Variants in PRORP observed in about 807,000 individuals in gnomAD.
PRORP encodes protein only RNase P catalytic subunit.
A neutral mutation model predicts 59.4 loss-of-function variants in PRORP; 51 were observed. The ratio of observed to expected loss-of-function variants is 0.86; its 90% CI spans 0.69 to 1.08. The LOEUF is 1.08. PRORP is among the 50% of genes least tolerant of loss of function. The pLI is 0.00. For missense variants in PRORP, 646 were observed against 690.3 expected, an observed-to-expected ratio of 0.94 and a Z score of 0.72; for synonymous variants, 231 against 245.6, an observed-to-expected ratio of 0.94 and a Z score of 0.55.
rs551095008 is a variant in PRORP, at chr14:35,137,427, A to G, written c.1167+9816A>G. On this transcript the variant is annotated intron_variant, in intron 4 of 7. Coordinates refer to ENST00000534898, the MANE Select transcript of PRORP (RefSeq NM_014672.4). Reference sequence around the variant, plus strand: ...GAAAAGAAAGTGAAGATGGGTGTGGATGATAAATTGGTAGAAAGAGGGAAC... The same window carrying G: ...GAAAAGAAAGTGAAGATGGGTGTGGGTGATAAATTGGTAGAAAGAGGGAAC... Among the ~76,000 whole-genome samples, 8 of 145,254 alleles carry G rather than the reference A, an allele frequency of 5.5e-5. 1 individual carries two copies. Among genetic ancestry groups the G allele is most frequent in the African/African-American group, 1.9e-4 (8 of 41,136 alleles).
chr14:35,138,670 C>G (rs1595173729), intron 4 of PRORP, among the ~76,000 whole-genome samples: 1 of 145,704 alleles, frequency 6.9e-6, no homozygotes, highest in East Asian at 2.3e-4. Flanking sequence ...CCAAATAGTA[C>G]TGTTGTTCAA....
intron 4 of PRORP, among the ~76,000 whole-genome samples, chr14:35,161,514 T>A (rs59622401): frequency 0.061 from 9,188 of 151,076 alleles, 458 homozygotes; most frequent in African/African-American, 0.14. Context: ...AAAGCAGAAT[T>A]TTTTCTTTTT....
At chr14:35,206,557 G>C (rs753254806) in intron 5 of PRORP, among the ~76,000 whole-genome samples, 1 of 152,118 alleles carries the variant, frequency 6.6e-6, no homozygotes, top group Non-Finnish European at 1.5e-5. Context: ...TTTAAACTTT[G>C]TAATTCGAGA....
At chr14:35,157,394 C>T (rs1440870622) in intron 4 of PRORP, among the ~76,000 whole-genome samples, 1 of 152,154 alleles carries the variant, frequency 6.6e-6, no homozygotes, top group Admixed American at 6.5e-5. Flanking sequence ...ATCAGAGAAA[C>T]GTCAGATGAC....
chr14:35,233,147 A>AT (rs2050124636), intron 5 of PRORP, among the ~76,000 whole-genome samples: 1 of 150,944 alleles, frequency 6.6e-6, no homozygotes, highest in African/African-American at 2.4e-5. Context: ...ATTGATCATC[A>AT]TAAGCATCAG....
chr14:35,268,356 A>AAC (rs1352939398), intron 6 of PRORP, among the ~76,000 whole-genome samples: 2 of 151,440 alleles, frequency 1.3e-5, no homozygotes. Context: ...AAAAAAAAAA[A>AAC]AAAAAAACAA....
intron 4 of PRORP, among the ~76,000 whole-genome samples, chr14:35,168,469 T>C (rs1165048846): frequency 1.3e-5 from 2 of 152,238 alleles, no homozygotes; most frequent in Non-Finnish European, 2.9e-5. Flanking sequence ...TTTTGTCACT[T>C]GTCCCAATAA....
At chr14:35,122,250 C>G (rs146900545), upstream of PRORP, 2 of 425,976 alleles carry the variant, frequency 4.7e-6, no homozygotes, top group East Asian at 8.2e-5. Context: ...CCACGATAAG[C>G]CCGCGTTTTC....
chr14:35,195,591 T>C (rs561071547), intron 5 of PRORP, among the ~76,000 whole-genome samples: 1 of 152,240 alleles, frequency 6.6e-6, no homozygotes, highest in South Asian at 2.1e-4. Flanking sequence ...ACACATATTT[T>C]AAAGATAAGA....
At chr14:35,151,579 A>G (rs1338730777) in intron 4 of PRORP, among the ~76,000 whole-genome samples, 1 of 148,300 alleles carries the variant, frequency 6.7e-6, no homozygotes, top group Non-Finnish European at 1.5e-5. Flanking sequence ...AGCACTCCCT[A>G]TTTTCCATCT....
intron 5 of PRORP, among the ~76,000 whole-genome samples, chr14:35,230,111 G>C (rs2050037788): frequency 6.8e-6 from 1 of 148,048 alleles, no homozygotes; most frequent in South Asian, 2.1e-4. Context: ...GGAGTGCAGT[G>C]GTGCAATCTC....
intron 5 of PRORP, among the ~76,000 whole-genome samples, chr14:35,198,860 G>A (rs1000001964): frequency 3.3e-5 from 5 of 152,030 alleles, no homozygotes; most frequent in Middle Eastern, 3.4e-3. Context: ...GTGAAACCCC[G>A]TCTCTACTAA....
chr14:35,139,400 G>A (rs2047435972), intron 4 of PRORP, among the ~76,000 whole-genome samples: 1 of 139,492 alleles, frequency 7.2e-6, no homozygotes, highest in African/African-American at 2.5e-5. Flanking sequence ...ATGAACATAT[G>A]GATCACCCCC....
chr14:35,183,359 A>G (rs992093586), intron 5 of PRORP, among the ~76,000 whole-genome samples: 8 of 152,264 alleles, frequency 5.3e-5, no homozygotes, highest in African/African-American at 1.9e-4. Context: ...TTTTACCATG[A>G]GTATATATTA....
intron 5 of PRORP, among the ~76,000 whole-genome samples, chr14:35,247,130 G>A (rs994715219): frequency 1.3e-5 from 2 of 152,170 alleles, no homozygotes; most frequent in African/African-American, 4.8e-5. Flanking sequence ...AACCCAGGCA[G>A]CCTGATGCCA....
chr14:35,137,047 TTGA>T (rs937439156), intron 4 of PRORP, among the ~76,000 whole-genome samples: 2 of 145,990 alleles, frequency 1.4e-5, no homozygotes, highest in African/African-American at 4.9e-5. Context: ...TAAGAAATCA[TTGA>T]TGACCTTGGG....
chr14:35,177,294 A>T (rs1219402554), intron 4 of PRORP, among the ~76,000 whole-genome samples: 1 of 152,016 alleles, frequency 6.6e-6, no homozygotes, highest in Non-Finnish European at 1.5e-5. Context: ...TTTTCTATTG[A>T]TTGGAATAGT....
chr14:35,269,085 T>G (rs2051121401), intron 6 of PRORP, among the ~76,000 whole-genome samples: 1 of 152,146 alleles, frequency 6.6e-6, no homozygotes. Context: ...TGGGAATTAG[T>G]TTACCCAGGT....
At chr14:35,156,015 A>C (rs1334724450) in intron 4 of PRORP, among the ~76,000 whole-genome samples, 1 of 152,102 alleles carries the variant, frequency 6.6e-6, no homozygotes, top group African/African-American at 2.4e-5. Flanking sequence ...TTTCTGGGTT[A>C]GGGGAGGAGT....
Sources: gnomAD v4.1 joint callset for allele counts (sites outside exome capture counted in the v4.1 genomes callset) on GRCh38, gnomAD v4.1.1 for gene constraint, MANE v1.5 for transcripts, NCBI Gene and HGNC (gene_info 2026-07-23, HGNC 2026-07-21) for gene names.